The following CCNH variants were observed in gnomAD, a reference collection of about 807,000 sequenced individuals.
CCNH encodes cyclin H, also known as cyclin-H.
In CCNH, 31 loss-of-function variants were observed where a neutral mutation model predicts 41.9. The ratio of observed to expected loss-of-function variants is 0.74; its 90% CI spans 0.56 to 1.00. CCNH has a LOEUF of 1.00. Ranked by LOEUF, CCNH falls within the 50% of genes least tolerant of loss-of-function variation. CCNH has a pLI of 0.00. For synonymous variants in CCNH, 138 were observed against 136.1 expected (o/e 1.01, Z -0.10); for missense variants, 362 against 388.4 (o/e 0.93, Z 0.57).
upstream of CCNH, chr5:87,380,720 TATTTTCTA>T (rs1378779592): frequency 3.3e-6 from 3 of 921,838 alleles, no homozygotes; most frequent in Admixed American, 3.8e-5. Flanking sequence ...CCCTGTTGCA[TATTTTCTA>T]AGTCCAGATG....
rs921723590 is a variant in CCNH, at chr5:87,364,157, T to C, written c.*90+28613A>G. Among the ~76,000 whole-genome samples the C allele has an allele frequency of 7.9e-5, 12 of 152,102 alleles. No individual in the cohort carries two copies. In the South Asian group the frequency reaches 1.2e-3, roughly 16 times the overall value. ...CCATTTTTATTACCTATTGTTATGA[T>C]TAGTAAGAGAAAAGACAGTTAAATG... On this transcript the variant is annotated intron_variant and NMD_transcript_variant, in intron 9 of 9. Transcript: ENST00000645953.
intron 9 of CCNH, among the ~76,000 whole-genome samples, chr5:87,342,287 T>C (rs1758529997): frequency 6.6e-6 from 1 of 151,644 alleles, no homozygotes; most frequent in Admixed American, 6.6e-5. Flanking sequence ...GTCTCCTGAG[T>C]AGCTGGGACC....
At position 87,357,964 on chromosome 5, in the gene CCNH, A is replaced by G. The variant is rs77280223; in HGVS notation, c.*90+34806T>C. ...TGCTATTTGTAGTCTATTATTTTGG[A>G]GCATGGGGTGATGAAAAGTTGGTTT... On this transcript the variant is annotated intron_variant and NMD_transcript_variant, in intron 9 of 9. Coordinates refer to the CCNH transcript ENST00000645953. Among the ~76,000 whole-genome samples, 535 of 152,314 alleles carry G rather than the reference A, an allele frequency of 3.5e-3. 3 individuals are homozygous for G. Among genetic ancestry groups the G allele is most frequent in the Non-Finnish European group, 5.0e-3 (340 of 68,022 alleles).
chr5:87,326,334 C>G (rs937881820), intron 9 of CCNH, among the ~76,000 whole-genome samples: 6 of 151,950 alleles, frequency 3.9e-5, no homozygotes, highest in African/African-American at 1.5e-4. Context: ...ATTTCTGTGA[C>G]TTTTTTTAAT....
upstream of CCNH, chr5:87,377,319 T>A: frequency 2.2e-6 from 1 of 446,060 alleles, no homozygotes; most frequent in South Asian, 2.1e-5. Flanking sequence ...GTTTGGCATA[T>A]TTATCTGTAT....
intron 9 of CCNH, among the ~76,000 whole-genome samples, chr5:87,322,680 G>T (rs982130911): frequency 2.0e-5 from 3 of 152,110 alleles, no homozygotes; most frequent in Admixed American, 6.6e-5. Flanking sequence ...ACCATGAGCC[G>T]CAATAAACCA....
Position 87,394,346 on chromosome 5 carries a change from A to ATTT in CCNH, c.*97_*99dup. 1 of 1,476,112 alleles carries ATTT rather than the reference A, an allele frequency of 6.8e-7. No homozygotes were observed. The highest frequency in any genetic ancestry group is 9.0e-7 in the Non-Finnish European group (1 of 1,108,334). The allele number at this position is 1,476,112 out of a possible 1,614,324, so 91.4% of individuals were successfully genotyped here. A position where few individuals can be genotyped will look rare whatever the true frequency, so the allele number is the denominator to read the frequency against. On this transcript the variant is annotated 3_prime_UTR_variant, in exon 9 of 9. Coordinates refer to ENST00000256897, the MANE Select transcript of CCNH (RefSeq NM_001239.4). Reference sequence around the variant, plus strand: ...GAAAACAATAGAAAAGTTTTAATATATTTTATGTTTTCACATTATACTTTT... The same window carrying ATTT: ...GAAAACAATAGAAAAGTTTTAATATATTTTTTTATGTTTTCACATTATACTTTT...
At chr5:87,314,992 T>C (rs545292049), downstream of CCNH, among the ~76,000 whole-genome samples, 1 of 152,326 alleles carries the variant, frequency 6.6e-6, no homozygotes, top group East Asian at 1.9e-4. Flanking sequence ...TATTACACCT[T>C]TTTGAGGGCA....
intron 7 of CCNH, among the ~76,000 whole-genome samples, chr5:87,395,943 A>G (rs902764052): frequency 1.3e-5 from 2 of 151,958 alleles, no homozygotes; most frequent in African/African-American, 4.8e-5. Flanking sequence ...ACAATAGAAT[A>G]TATCATATAT....
chr5:87,347,997 A>G (rs961619646), intron 9 of CCNH, among the ~76,000 whole-genome samples: 2 of 151,916 alleles, frequency 1.3e-5, no homozygotes, highest in Non-Finnish European at 2.9e-5. Flanking sequence ...ATCTGGTGGG[A>G]TTTTCTCTCC....
chr5:87,373,275 A>G (rs1039350414), downstream of CCNH, among the ~76,000 whole-genome samples: 4 of 152,186 alleles, frequency 2.6e-5, no homozygotes, highest in Admixed American at 2.6e-4. Context: ...AAGATACAGT[A>G]TAACAACTAT....
chr5:87,389,081 A>C (rs1215575975), downstream of CCNH, among the ~76,000 whole-genome samples: 1 of 152,184 alleles, frequency 6.6e-6, no homozygotes, highest in Non-Finnish European at 1.5e-5. Flanking sequence ...AATCTTTAGA[A>C]TTTTAAGAGA....
intron 9 of CCNH, among the ~76,000 whole-genome samples, chr5:87,329,888 G>T (rs555736617): frequency 2.8e-4 from 43 of 152,136 alleles, no homozygotes; most frequent in African/African-American, 9.9e-4. Flanking sequence ...GTTCCTTAGG[G>T]TTCATTTACG....
intron 9 of CCNH, among the ~76,000 whole-genome samples, chr5:87,384,347 C>G (rs1223671154): frequency 2.0e-5 from 3 of 152,020 alleles, no homozygotes; most frequent in South Asian, 2.1e-4. Context: ...GTGTTAAAAG[C>G]TTCTTTCAAA....
chr5:87,370,083 A>G (rs1760819516), intron 9 of CCNH, among the ~76,000 whole-genome samples: 1 of 152,178 alleles, frequency 6.6e-6, no homozygotes, highest in Non-Finnish European at 1.5e-5. Flanking sequence ...GCAAAAACAA[A>G]CACAGTGAAG....
intron 9 of CCNH, chr5:87,349,447 A>G: frequency 6.8e-7 from 1 of 1,470,702 alleles, no homozygotes; most frequent in Non-Finnish European, 9.3e-7. Context: ...AGTCAAAATT[A>G]TATAAAAGTT....
chr5:87,350,772 GA>G (rs1554046759), intron 9 of CCNH, among the ~76,000 whole-genome samples: 2 of 150,564 alleles, frequency 1.3e-5, no homozygotes, highest in Non-Finnish European at 3.0e-5. Flanking sequence ...CATTCCCCCA[GA>G]ACTTTGATTT....
intron 9 of CCNH, among the ~76,000 whole-genome samples, chr5:87,321,419 C>T (rs1050366281): frequency 6.6e-6 from 1 of 152,180 alleles, no homozygotes; most frequent in Non-Finnish European, 1.5e-5. Flanking sequence ...AGGGCTCAGT[C>T]TTGGGGTCTG....
downstream of CCNH, chr5:87,374,983 GAA>G: frequency 6.5e-7 from 1 of 1,532,868 alleles, no homozygotes; most frequent in Non-Finnish European, 8.7e-7. Flanking sequence ...AATTCACAAT[GAA>G]AGTCTTAAAA....
Sources: gnomAD v4.1 joint callset for allele counts (sites outside exome capture counted in the v4.1 genomes callset) on GRCh38, gnomAD v4.1.1 for gene constraint, MANE v1.5 for transcripts, NCBI Gene and HGNC (gene_info 2026-07-23, HGNC 2026-07-21) for gene names.